Variants in STAM observed in about 807,000 individuals in gnomAD.
The protein encoded by STAM is signal transducing adapter molecule 1.
Under a neutral mutation model 63.4 loss-of-function variants are expected in STAM, and 16 were observed. That is an observed-to-expected ratio of 0.25 (90% CI 0.17 to 0.38). The LOEUF (loss-of-function observed/expected upper bound fraction) is 0.38. STAM is among the 10% of genes least tolerant of loss of function. STAM has a pLI of 1.00. For synonymous variants in STAM, 238 were observed against 223.9 expected (o/e 1.06, Z -0.56); for missense variants, 636 against 657.1 (o/e 0.97, Z 0.35).
chr10:17,700,388 T>C (rs2131671703), intron 9 of STAM, 109 bp downstream of exon 9: 1 of 808,816 alleles, frequency 1.2e-6, no homozygotes, highest in Admixed American at 3.2e-5. Context: ...AAAATTTTTG[T>C]ATTTTTTTAT....
intron 12 of STAM, among the ~76,000 whole-genome samples, chr10:17,706,678 C>A (rs1471430685): frequency 6.6e-6 from 1 of 151,994 alleles, no homozygotes; most frequent in African/African-American, 2.4e-5. Context: ...CGCGCCCGGC[C>A]GAGGCCCATA....
intron 13 of STAM, among the ~76,000 whole-genome samples, chr10:17,713,385 C>A (rs1270596753): frequency 2.0e-5 from 3 of 152,208 alleles, no homozygotes; most frequent in Non-Finnish European, 4.4e-5. Context: ...GCTTGAATAG[C>A]TGATTGCCTA....
intron 1 of STAM, among the ~76,000 whole-genome samples, chr10:17,655,538 T>C (rs1042415902): frequency 6.6e-6 from 1 of 152,238 alleles, no homozygotes; most frequent in Non-Finnish European, 1.5e-5. Context: ...GCAGGTATTA[T>C]ACACCTGTAA....
intron 2 of STAM, among the ~76,000 whole-genome samples, chr10:17,682,063 A>G (rs1835108702): frequency 6.6e-6 from 1 of 152,212 alleles, no homozygotes; most frequent in Non-Finnish European, 1.5e-5. Context: ...TTGTATGTGT[A>G]TGGTTTGATA....
intron 2 of STAM, among the ~76,000 whole-genome samples, chr10:17,682,918 G>C (rs1337807799): frequency 2.0e-5 from 3 of 151,892 alleles, no homozygotes; most frequent in African/African-American, 7.3e-5. Flanking sequence ...TTCTATTTTT[G>C]TGTTCATGCA....
intron 13 of STAM, among the ~76,000 whole-genome samples, chr10:17,714,202 T>G (rs1836694959): frequency 6.6e-6 from 1 of 152,198 alleles, no homozygotes; most frequent in Non-Finnish European, 1.5e-5. Flanking sequence ...TTGGGCTTTG[T>G]TTTTGTTCTT....
At chr10:17,672,421 A>G (rs1554824176) in intron 2 of STAM, among the ~76,000 whole-genome samples, 1 of 152,170 alleles carries the variant, frequency 6.6e-6, no homozygotes, top group Non-Finnish European at 1.5e-5. Flanking sequence ...TGTTTAACCT[A>G]CTGAATTTAA....
At chr10:17,662,620 A>G (rs1834217186) in intron 2 of STAM, among the ~76,000 whole-genome samples, 1 of 152,148 alleles carries the variant, frequency 6.6e-6, no homozygotes, top group Non-Finnish European at 1.5e-5. Flanking sequence ...GAGATCATGT[A>G]CTCTAGAGGG....
chr10:17,703,199 T>A (rs994785985), intron 9 of STAM, among the ~76,000 whole-genome samples: 1 of 152,060 alleles, frequency 6.6e-6, no homozygotes, highest in Non-Finnish European at 1.5e-5. Context: ...GACCTTTTTT[T>A]GTGTGTGGTA....
chr10:17,706,067 A>AAAAT (rs776003458), intron 12 of STAM, among the ~76,000 whole-genome samples: 30 of 152,074 alleles, frequency 2.0e-4, no homozygotes, highest in Non-Finnish European at 3.5e-4. Context: ...CCCTGTCTCT[A>AAAAT]AAATAAATAA....
chr10:17,704,972 A>G lies in STAM; in HGVS notation c.1003A>G (p.Met335Val), dbSNP rs561051046. The change falls in exon 11 of 14, where the codon ATG (methionine) becomes GTG (valine). Residue 335 changes from methionine (M) to valine (V), a missense_variant and splice_region_variant. This residue lies in a region of STAM where 532 missense variants were observed against 536.9 expected (regional missense o/e 0.99). Transcript: ENST00000377524. ...DLPELLHLEA[M>V]CHQMGPLIDE... ...TTCTTCACATCTTGTCATTTTAGCA[A>G]TGTGTCACCAGATGGGACCTCTCAT... 30 of 1,612,354 alleles carry G rather than the reference A, an allele frequency of 1.9e-5. No individual in the cohort carries two copies. Among genetic ancestry groups the G allele is most frequent in the Admixed American group, 6.7e-5 (4 of 59,922 alleles).
At chr10:17,677,252 T>G (rs1834894256) in intron 2 of STAM, among the ~76,000 whole-genome samples, 3 of 152,158 alleles carry the variant, frequency 2.0e-5, no homozygotes, top group African/African-American at 7.2e-5. Context: ...CAACACCCCT[T>G]TCCCCACCAT....
At chr10:17,668,622 T>G (rs1834498546) in intron 2 of STAM, among the ~76,000 whole-genome samples, 1 of 152,168 alleles carries the variant, frequency 6.6e-6, no homozygotes, top group Non-Finnish European at 1.5e-5. Context: ...GTTCATTCCT[T>G]TCCTTCCTCT....
chr10:17,692,650 T>G (rs557022453), intron 5 of STAM, among the ~76,000 whole-genome samples: 2 of 152,334 alleles, frequency 1.3e-5, no homozygotes, highest in East Asian at 3.9e-4. Flanking sequence ...GTGTATTCCC[T>G]TATTTACACA....
chr10:17,688,270 C>G, intron 5 of STAM, 97 bp downstream of exon 5: 1 of 1,259,026 alleles, frequency 7.9e-7, no homozygotes, highest in East Asian at 2.6e-5. Context: ...GTAATTTTTA[C>G]TACTTCAGAG....
At chr10:17,688,697 A>C (rs1028350449) in intron 5 of STAM, among the ~76,000 whole-genome samples, 16 of 151,966 alleles carry the variant, frequency 1.1e-4, no homozygotes, top group African/African-American at 3.6e-4. Context: ...TCCTGACCTC[A>C]GGTGTTCTGC....
chr10:17,712,328 ACT>A, intron 13 of STAM, among the ~76,000 whole-genome samples: 1 of 152,236 alleles, frequency 6.6e-6, no homozygotes, highest in East Asian at 1.9e-4. Flanking sequence ...CAGCGCATAG[ACT>A]CTATATTACG....
At chr10:17,672,072 C>T (rs1003627898) in intron 2 of STAM, among the ~76,000 whole-genome samples, 1 of 152,144 alleles carries the variant, frequency 6.6e-6, no homozygotes, top group South Asian at 2.1e-4. Flanking sequence ...AAGTTTTATA[C>T]AGCATAGGAT....
At chr10:17,701,011 CAT>C (rs1376693184) in intron 9 of STAM, among the ~76,000 whole-genome samples, 2 of 152,140 alleles carry the variant, frequency 1.3e-5, no homozygotes, top group Non-Finnish European at 2.9e-5. Flanking sequence ...TAAATGTCTT[CAT>C]ATGTCATTGT....
Sources: gnomAD v4.1 joint callset for allele counts (sites outside exome capture counted in the v4.1 genomes callset) on GRCh38, gnomAD v4.1.1 for gene constraint, gnomAD v4.1.1 regional missense constraint, MANE v1.5 for transcripts, NCBI Gene and HGNC (gene_info 2026-07-23, HGNC 2026-07-21) for gene names.